TRMT1: variants seen among roughly 807,000 people sequenced by gnomAD.
TRMT1 encodes the protein tRNA methyltransferase 1.
Under a neutral mutation model 75.4 loss-of-function variants are expected in TRMT1, and 63 were observed. The observed-to-expected ratio is 0.84, with a 90% CI of 0.68 to 1.03. The LOEUF (loss-of-function observed/expected upper bound fraction) is 1.03. Among genes scored for constraint, TRMT1 ranks in the 50% least tolerant of loss-of-function variants. TRMT1 has a pLI of 0.00. For synonymous variants in TRMT1, 382 were observed against 358.1 expected, an observed-to-expected ratio of 1.07 and a Z score of -0.75; for missense variants, 870 against 905.3, an observed-to-expected ratio of 0.96 and a Z score of 0.50.
At position 13,109,839 on chromosome 19, in the gene TRMT1, C is replaced by T. The variant is rs148807452; in HGVS notation, c.1107-1G>A. On this transcript the variant is annotated splice_acceptor_variant, in intron 9 of 16. Transcript: ENST00000357720. LOFTEE classifies it high-confidence loss of function. ...ACCACAGGCTGCAGAGAACTTGGCC[C>T]TAAACAGAGAGGGGTGGTTGGTGGG... is the stretch of plus-strand genomic sequence containing the variant. The T allele has an allele frequency of 2.7e-5, 43 of 1,614,138 alleles. No individual in the cohort carries two copies. Among genetic ancestry groups the T allele is most frequent in the Non-Finnish European group, 3.6e-5 (42 of 1,180,034 alleles).
Position 13,109,850 on chromosome 19 carries a change from G to T in TRMT1, c.1107-12C>A, listed in dbSNP as rs370830385. The T allele has an allele frequency of 6.2e-7, 1 of 1,614,130 alleles. No individual in the cohort carries two copies. The highest frequency in any genetic ancestry group is 8.5e-7 in the Non-Finnish European group (1 of 1,180,028). On this transcript the variant is annotated splice_polypyrimidine_tract_variant and intron_variant, in intron 9 of 16. Transcript: ENST00000357720. ...CAGAGAACTTGGCCCTAAACAGAGA[G>T]GGGTGGTTGGTGGGGAGGGAGGAAA...
At chr19:13,112,303 G>A (rs1426853168) in intron 7 of TRMT1, among the ~76,000 whole-genome samples, 1 of 152,018 alleles carries the variant, frequency 6.6e-6, no homozygotes, top group African/African-American at 2.4e-5. Flanking sequence ...GACCATCATT[G>A]TGCCCATTTT....
intron 13 of TRMT1, 40 bp downstream of exon 13, chr19:13,107,711 A>G (rs1467608160): frequency 1.3e-6 from 2 of 1,562,620 alleles, no homozygotes; most frequent in South Asian, 2.3e-5. Context: ...GGTGACCACC[A>G]CCTGCCCTCC....
intron 12 of TRMT1, among the ~76,000 whole-genome samples, chr19:13,108,726 C>A (rs1422471952): frequency 8.5e-5 from 13 of 152,102 alleles, no homozygotes. Context: ...TCTCGTGCCT[C>A]AGCCTCCCAA....
chr19:13,109,487 G>A (rs937808219), intron 11 of TRMT1, 21 bp from the exon 12 acceptor site: 2 of 1,614,020 alleles, frequency 1.2e-6, no homozygotes, highest in African/African-American at 1.3e-5. Flanking sequence ...GGACAGGATG[G>A]GCATGAGTGG....
intron 7 of TRMT1, among the ~76,000 whole-genome samples, chr19:13,111,693 C>T (rs1194670179): frequency 2.0e-5 from 3 of 150,052 alleles, no homozygotes; most frequent in Non-Finnish European, 4.4e-5. Flanking sequence ...CCACCGCGCC[C>T]GGCCTATTTT....
Position 13,105,571 on chromosome 19 carries a change from T to C in TRMT1, c.1619A>G (p.Asn540Ser). 7 of 1,613,844 alleles carry C rather than the reference T, an allele frequency of 4.3e-6. No individual in the cohort carries two copies. The highest frequency in any genetic ancestry group is 5.9e-6 in the Non-Finnish European group (7 of 1,179,976). Residue 540 changes from asparagine (N) to serine (S), a missense_variant, in exon 15 of 17, where the codon AAC becomes AGC. Transcript: ENST00000357720. Reference protein sequence around the residue: ...QANFTIREDANPSSRQRGLKR... With the variant: ...QANFTIREDASPSSRQRGLKR... ...GAGTCCTCGCTGTCGGGAGCTGGGG[T>C]TGGCATCTTCCCGGATGGTGAAGTT...
chr19:13,110,238 C>G lies in TRMT1; in HGVS notation c.939G>C (p.Leu313=). 1 of 1,613,136 alleles carries G rather than the reference C, an allele frequency of 6.2e-7. No homozygotes were observed. Among genetic ancestry groups the G allele is most frequent in the Non-Finnish European group, 8.5e-7 (1 of 1,179,982 alleles). The change falls in exon 8 of 17, where the codon CTG becomes CTC. Residue 313 remains leucine (L), a synonymous_variant. Coordinates refer to ENST00000357720, the MANE Select transcript of TRMT1 (RefSeq NM_001136035.4). ...CGTAGAAGTCAGCGCTGATGCTGAG[C>G]AGCGGCACCACGAAGCGCTGGTAGC... The part of the protein sequence containing the change: ...ANCYQRFVVP[L]LSISADFYVR...
Position 13,113,002 on chromosome 19 carries a change from C to A in TRMT1, c.651G>T (p.Met217Ile). ...TCTCCGACACCCTCTGGTGCTGGTACATCAGCATCCTGGGTGCAAAGAGGG... is the reference window on the plus strand; with the variant it reads ...TCTCCGACACCCTCTGGTGCTGGTAAATCAGCATCCTGGGTGCAAAGAGGG... ...QPSQADARML[M>I]YQHQRVSERF... Residue 217 changes from methionine (M) to isoleucine (I), a missense_variant, in exon 6 of 17, where the codon ATG becomes ATT. Coordinates refer to ENST00000357720, the MANE Select transcript of TRMT1 (RefSeq NM_001136035.4). The A allele has an allele frequency of 1.2e-6, 2 of 1,609,968 alleles. No homozygotes were observed. The highest frequency in any genetic ancestry group is 1.7e-6 in the Non-Finnish European group (2 of 1,177,902).
In TRMT1 at chr19:13,112,885, C is replaced by T. The variant is rs755676292; in HGVS notation, c.757+11G>A. 1.9e-6 allele frequency: 3 copies of T among 1,612,516 alleles called. No individual in the cohort carries two copies. The highest frequency in any genetic ancestry group is 2.2e-5 in the East Asian group (1 of 44,860). The stretch of plus-strand genomic sequence containing the variant: ...AGCCCTGCTCCCACCCCAGTGCCAT[C>T]CCCACCTCACCTCCTTCACTCACAG... On this transcript the variant is annotated intron_variant, in intron 6 of 16. Coordinates refer to ENST00000357720, the MANE Select transcript of TRMT1 (RefSeq NM_001136035.4).
chr19:13,105,626 G>A lies in TRMT1; in HGVS notation c.1584-20C>T, dbSNP rs962682163. On this transcript the variant is annotated intron_variant, in intron 14 of 16. Transcript: ENST00000357720. The stretch of plus-strand genomic sequence containing the variant: ...TGCAGCCTAGGGAAGCAGGGGTGGG[G>A]CGTTGGGGCTGGGGGAAGCTGCCAC... 4 of 1,605,570 alleles carry A rather than the reference G, an allele frequency of 2.5e-6. No homozygotes were observed. The highest frequency in any genetic ancestry group is 2.7e-5 in the African/African-American group (2 of 74,920).
At position 13,115,420 on chromosome 19, in the gene TRMT1, G is replaced by A; in HGVS notation, c.500C>T (p.Ser167Phe). ...AGGCACCTCTAGGGCAAATCGAATG[G>A]AACGTAGGCCTGAAGCTGCCAGGCC... ...LEGLAASGLR[S>F]IRFALEVPGL... is the part of the protein sequence containing the mutation. The change falls in exon 5 of 17, where the codon TCC becomes TTC. Residue 167 changes from serine to phenylalanine, a missense_variant. Transcript: ENST00000357720. The A allele has an allele frequency of 6.2e-7, 1 of 1,614,044 alleles. No homozygotes were observed. The highest frequency in any genetic ancestry group is 1.1e-5 in the South Asian group (1 of 91,078).
chr19:13,115,241 G>A (rs769480356), intron 5 of TRMT1, 38 bp downstream of exon 5: 3 of 1,571,516 alleles, frequency 1.9e-6, no homozygotes, highest in African/African-American at 1.3e-5. Flanking sequence ...CCCCAGGCAG[G>A]CTTGTCCCAG....
rs2019345420 is a variant in TRMT1, at chr19:13,116,184, G to A, written c.216C>T (p.Val72=). The change falls in exon 2 of 17, where the codon GTC becomes GTT. Residue 72 remains valine, a synonymous_variant. Transcript: ENST00000357720. The part of the protein sequence containing the change: ...AKIAFPSANE[V]FYNPVQEFNR... ...TGAATTCCTGCACCGGGTTATAAAA[G>A]ACCTCGTTGGCACTGGGAAAGGCGA... 6.2e-7 allele frequency: 1 copy of A among 1,614,020 alleles called. No homozygotes were observed. Among genetic ancestry groups the A allele is most frequent in the African/African-American group, 1.3e-5 (1 of 74,908 alleles).
chr19:13,115,973 C>A (rs2019333734), intron 3 of TRMT1, 24 bp downstream of exon 3: 1 of 1,613,810 alleles, frequency 6.2e-7, no homozygotes, highest in African/African-American at 1.3e-5. Context: ...CCCCCGCCCA[C>A]CAGAAGCCTG....
Position 13,109,618 on chromosome 19 carries a change from CA to C in TRMT1, c.1242del (p.Val415Ter). 5 of 1,614,012 alleles carry C rather than the reference CA, an allele frequency of 3.1e-6. No individual in the cohort carries two copies. The highest frequency in any genetic ancestry group is 4.2e-6 in the Non-Finnish European group (5 of 1,180,020). ...DLDFVGRVLE[A>X]VSANPGRFHT... is the part of the protein sequence containing the mutation. ...TGGAAGCGGCCGGGGTTAGCGCTCA[CA>C]GCCTCCAGGACACGGCCCACAAAAT... On this transcript the variant is annotated frameshift_variant, in exon 11 of 17. Coordinates refer to ENST00000357720, the MANE Select transcript of TRMT1 (RefSeq NM_001136035.4). LOFTEE classifies it high-confidence loss of function.
At chr19:13,109,864 G>A in intron 9 of TRMT1, 26 bp from the exon 10 acceptor site, 1 of 1,613,890 alleles carries the variant, frequency 6.2e-7, no homozygotes, top group Non-Finnish European at 8.5e-7. Flanking sequence ...TGGTTGGTGG[G>A]GAGGGAGGAA....
At chr19:13,105,675 A>G in intron 14 of TRMT1, 69 bp from the exon 15 acceptor site, 2 of 1,470,244 alleles carry the variant, frequency 1.4e-6, no homozygotes, top group Non-Finnish European at 1.9e-6. Flanking sequence ...CACTCCCCAC[A>G]GGGCCTGTCC....
chr19:13,104,999 C>T lies in TRMT1; in HGVS notation c.1916G>A (p.Cys639Tyr), dbSNP rs2018783620. The change falls in exon 17 of 17, where the codon TGT becomes TAT. Residue 639 changes from cysteine to tyrosine, a missense_variant. Transcript: ENST00000357720. ...PRVSADAAPD[C>Y]PETSNQTPPG... ...GGGGGTCTGGTTGGAGGTCTCTGGACAGTCAGGGGCAGCATCAGCAGAAAC... is the reference window on the plus strand; with the variant it reads ...GGGGGTCTGGTTGGAGGTCTCTGGATAGTCAGGGGCAGCATCAGCAGAAAC... 1 of 1,613,464 alleles carries T rather than the reference C, an allele frequency of 6.2e-7. No homozygotes were observed. Among genetic ancestry groups the T allele is most frequent in the Non-Finnish European group, 8.5e-7 (1 of 1,179,764 alleles).
Sources: allele counts gnomAD v4.1 joint callset (sites outside exome capture counted in the v4.1 genomes callset), GRCh38; gene constraint gnomAD v4.1.1; transcripts MANE v1.5; gene names NCBI Gene and HGNC (gene_info 2026-07-23, HGNC 2026-07-21).